Variants in FAM227B observed in about 807,000 individuals in gnomAD.
FAM227B encodes family with sequence similarity 227 member B, also known as protein FAM227B.
In FAM227B, 88 loss-of-function variants were observed where a neutral mutation model predicts 73.8. The observed-to-expected ratio is 1.19, with a 90% CI of 1.00 to 1.42. The LOEUF (loss-of-function observed/expected upper bound fraction) is 1.42. Ranked by LOEUF, FAM227B falls within the 40% of genes most tolerant of loss-of-function variation. The pLI, the probability that FAM227B is intolerant of heterozygous loss-of-function variation, is 0.00. For missense variants in FAM227B, 632 were observed against 590.9 expected (o/e 1.07, Z -0.72); for synonymous variants, 210 against 190.5 (o/e 1.10, Z -0.84).
At chr15:49,489,883 TAG>T (rs35994302) in intron 11 of FAM227B, among the ~76,000 whole-genome samples, 549 of 22,882 alleles carry the variant, frequency 0.024, 56 homozygotes, top group Middle Eastern at 0.058. Flanking sequence ...TATATATATA[TAG>T]AGAGAGAGAG....
chr15:49,532,343 T>C (rs960442527), intron 10 of FAM227B, among the ~76,000 whole-genome samples: 1 of 151,852 alleles, frequency 6.6e-6, no homozygotes, highest in South Asian at 2.1e-4. Flanking sequence ...GGGAAACTCA[T>C]AGCCTTGATT....
At chr15:49,570,249 T>C (rs999911542) in intron 8 of FAM227B, among the ~76,000 whole-genome samples, 2 of 151,950 alleles carry the variant, frequency 1.3e-5, no homozygotes, top group African/African-American at 2.4e-5. Flanking sequence ...TTTCCAATCA[T>C]ATACAAGCAT....
intron 11 of FAM227B, among the ~76,000 whole-genome samples, chr15:49,493,888 A>ATATATG (rs146161182): frequency 0.047 from 6,928 of 148,754 alleles, 213 homozygotes; most frequent in African/African-American, 0.088. Flanking sequence ...ATATATATAT[A>ATATATG]TGTGTGTGTG....
chr15:49,520,618 C>T (rs1588131), intron 10 of FAM227B, among the ~76,000 whole-genome samples: 48,114 of 152,062 alleles, frequency 0.32, 8,199 homozygotes, highest in African/African-American at 0.42. Flanking sequence ...GCACATCTTA[C>T]ATGGTGGCTG....
At chr15:49,354,597 C>T (rs1019571227) in intron 13 of FAM227B, among the ~76,000 whole-genome samples, 46 of 152,320 alleles carry the variant, frequency 3.0e-4, no homozygotes, top group East Asian at 9.7e-4. Flanking sequence ...AAGGGTCCTA[C>T]GCCCACGGAG....
chr15:49,503,226 A>T (rs2058295361), intron 11 of FAM227B, among the ~76,000 whole-genome samples: 1 of 152,230 alleles, frequency 6.6e-6, no homozygotes, highest in African/African-American at 2.4e-5. Flanking sequence ...AGCCATATGT[A>T]GAAAGCTGAA....
intron 9 of FAM227B, among the ~76,000 whole-genome samples, chr15:49,548,650 G>T (rs1304590096): frequency 6.6e-6 from 1 of 152,188 alleles, no homozygotes; most frequent in Non-Finnish European, 1.5e-5. Context: ...AAGCCAGCAA[G>T]TCCTGGGCTT....
chr15:49,598,715 T>A (rs967692605), intron 3 of FAM227B, among the ~76,000 whole-genome samples: 4 of 152,100 alleles, frequency 2.6e-5, no homozygotes, highest in Admixed American at 1.3e-4. Flanking sequence ...TGATAATAAT[T>A]TTATTCTTTA....
chr15:49,612,968 T>C (rs999880698), intron 2 of FAM227B, among the ~76,000 whole-genome samples: 2 of 152,056 alleles, frequency 1.3e-5, no homozygotes, highest in African/African-American at 4.8e-5. Context: ...ATTGAACTCA[T>C]GGAGATAGAG....
chr15:49,468,118 TC>T (rs2151953504), intron 11 of FAM227B, among the ~76,000 whole-genome samples: 1 of 152,308 alleles, frequency 6.6e-6, no homozygotes, highest in African/African-American at 2.4e-5. Flanking sequence ...TGTTTTATTT[TC>T]TTAATAAATC....
chr15:49,615,067 C>A, intron 2 of FAM227B, 54 bp downstream of exon 2: 1 of 1,540,418 alleles, frequency 6.5e-7, no homozygotes, highest in Non-Finnish European at 9.0e-7. Flanking sequence ...ACCTGAAATT[C>A]CAAGAGAAAT....
Position 49,335,440 on chromosome 15 carries a change from C to T in FAM227B, c.1328G>A (p.Arg443Lys), listed in dbSNP as rs1330200460. ...VIKEAKRQFA[R>K]NQKDFRILQA... ...TTACATCCTAAAATCCTTTTGGTTC[C>T]TTGCAAATTGTCTTTTTGCCTCCTT... The change falls in exon 14 of 16, where the codon AGG (arginine) becomes AAG (lysine). Residue 443 changes from arginine (R) to lysine (K), a missense_variant. Physicochemically the swap from Arg to Lys is conservative, Grantham distance 26. Coordinates refer to ENST00000299338, the MANE Select transcript of FAM227B (RefSeq NM_152647.3). 2.5e-6 allele frequency: 4 copies of T among 1,612,594 alleles called. No individual in the cohort carries two copies. Among genetic ancestry groups the T allele is most frequent in the Non-Finnish European group, 3.4e-6 (4 of 1,178,692 alleles).
At chr15:49,551,275 GA>G (rs1567558504) in intron 9 of FAM227B, among the ~76,000 whole-genome samples, 1 of 152,158 alleles carries the variant, frequency 6.6e-6, no homozygotes, top group East Asian at 1.9e-4. Context: ...GGGAGAGGGA[GA>G]GGGAGAGGGA....
At chr15:49,527,361 T>C (rs917570193) in intron 10 of FAM227B, among the ~76,000 whole-genome samples, 3 of 151,686 alleles carry the variant, frequency 2.0e-5, no homozygotes, top group Non-Finnish European at 4.4e-5. Flanking sequence ...AAAGGAACCA[T>C]ACCTCAAAAT....
chr15:49,515,101 T>C (rs1002494652), intron 10 of FAM227B, among the ~76,000 whole-genome samples: 1 of 152,132 alleles, frequency 6.6e-6, no homozygotes, highest in Non-Finnish European at 1.5e-5. Context: ...GGGATTCCAA[T>C]TACATATATG....
chr15:49,357,772 G>A (rs1225096255), intron 13 of FAM227B, among the ~76,000 whole-genome samples: 4 of 152,168 alleles, frequency 2.6e-5, no homozygotes, highest in African/African-American at 9.6e-5. Flanking sequence ...AAGCCAAGCA[G>A]AGACACAACA....
chr15:49,379,833 A>T (rs2151515271), intron 11 of FAM227B, among the ~76,000 whole-genome samples: 2 of 152,302 alleles, frequency 1.3e-5, no homozygotes, highest in South Asian at 4.1e-4. Flanking sequence ...GTACTGGGTC[A>T]GACCTGAAGC....
chr15:49,532,479 A>G (rs575501066), intron 10 of FAM227B, among the ~76,000 whole-genome samples: 19 of 152,022 alleles, frequency 1.2e-4, no homozygotes, highest in Admixed American at 1.3e-4. Context: ...AGCAAAATTA[A>G]TGACAAATAT....
intron 13 of FAM227B, chr15:49,354,056 T>A (rs1170959750): frequency 6.6e-6 from 1 of 152,220 alleles, no homozygotes; most frequent in East Asian, 1.9e-4. Flanking sequence ...GAGTTCTTTT[T>A]TTCACTGTTG....
Sources: gnomAD v4.1 joint callset for allele counts (sites outside exome capture counted in the v4.1 genomes callset) on GRCh38, gnomAD v4.1.1 for gene constraint, MANE v1.5 for transcripts, NCBI Gene and HGNC (gene_info 2026-07-23, HGNC 2026-07-21) for gene names.